The following XIRP2 variants were observed in gnomAD, a reference collection of about 807,000 sequenced individuals.
XIRP2 encodes the protein xin actin binding repeat containing 2.
Under a neutral mutation model 277.0 loss-of-function variants are expected in XIRP2, and 236 were observed. The ratio of observed to expected loss-of-function variants is 0.85; its 90% confidence interval spans 0.77 to 0.95. The LOEUF is 0.95. Ranked by LOEUF, XIRP2 falls within the 40% of genes least tolerant of loss-of-function variation. The pLI is 0.00. For synonymous variants in XIRP2, 1,490 were observed against 1,416.5 expected (o/e 1.05, Z -1.17); for missense variants, 4,640 against 4,157.5 (o/e 1.12, Z -3.19).
At chr2:167,206,778 G>A (rs560082772) in intron 3 of XIRP2, among the ~76,000 whole-genome samples, 4 of 152,216 alleles carry the variant, frequency 2.6e-5, no homozygotes, top group South Asian at 2.1e-4. Flanking sequence ...TTGTTACACC[G>A]TCATCCTTTC....
At chr2:167,196,810 G>GA (rs1427705847) in intron 3 of XIRP2, among the ~76,000 whole-genome samples, 1 of 152,106 alleles carries the variant, frequency 6.6e-6, no homozygotes, top group Non-Finnish European at 1.5e-5. Context: ...GTCCTCCAAA[G>GA]AAAAATGTGG....
intron 2 of XIRP2, among the ~76,000 whole-genome samples, chr2:166,999,329 T>C (rs909160068): frequency 6.6e-6 from 1 of 152,162 alleles, no homozygotes; most frequent in Non-Finnish European, 1.5e-5. Context: ...TTTATTCTGT[T>C]TATTTCTCTC....
chr2:167,033,432 G>A (rs777657121), intron 2 of XIRP2, among the ~76,000 whole-genome samples: 7 of 152,042 alleles, frequency 4.6e-5, no homozygotes, highest in African/African-American at 1.4e-4. Context: ...AGAACTTAAA[G>A]TATAATAATT....
chr2:167,127,115 TA>T (rs1691228981), intron 2 of XIRP2, among the ~76,000 whole-genome samples: 1 of 152,230 alleles, frequency 6.6e-6, no homozygotes, highest in Admixed American at 6.5e-5. Context: ...ATATTGGAGA[TA>T]TTTTTATTGC....
chr2:166,924,401 C>T (rs891965856), intron 2 of XIRP2, among the ~76,000 whole-genome samples: 1 of 152,014 alleles, frequency 6.6e-6, no homozygotes, highest in Non-Finnish European at 1.5e-5. Flanking sequence ...TCTGGTTAGG[C>T]TTCAAACCAA....
chr2:167,086,515 C>A (rs909860174), intron 2 of XIRP2, among the ~76,000 whole-genome samples: 2 of 151,754 alleles, frequency 1.3e-5, no homozygotes, highest in Non-Finnish European at 2.9e-5. Flanking sequence ...GGAAGTTCTC[C>A]TGGATAATAT....
At chr2:167,167,819 A>T (rs1692568495) in intron 3 of XIRP2, among the ~76,000 whole-genome samples, 1 of 152,110 alleles carries the variant, frequency 6.6e-6, no homozygotes. Context: ...GTCTTCATTC[A>T]TTCCTTCTTT....
chr2:167,184,522 T>C (rs374514621), intron 3 of XIRP2: 19 of 712,936 alleles, frequency 2.7e-5, no homozygotes, highest in African/African-American at 1.9e-4. Flanking sequence ...AAGGTTCTGC[T>C]GTTTTTCTGT....
chr2:167,240,703 G>T lies in XIRP2; in HGVS notation c.1009G>T (p.Ala337Ser). The change falls in exon 7 of 11, where the codon GCA becomes TCA. Residue 337 changes from alanine to serine, a missense_variant. Coordinates refer to ENST00000409195, the MANE Select transcript of XIRP2 (RefSeq NM_152381.6). ...AAAGCACACCGAGGAAGTAAACCAA[G>T]CATCTCAGTTTCATCAATATGTTCA... ...LEKHTEEVNQ[A>S]SQFHQYVQET... The T allele has an allele frequency of 6.2e-7, 1 of 1,613,804 alleles. No individual in the cohort carries two copies. The highest frequency in any genetic ancestry group is 1.1e-5 in the South Asian group (1 of 91,066).
intron 2 of XIRP2, among the ~76,000 whole-genome samples, chr2:167,008,169 A>T (rs1343132967): frequency 1.3e-5 from 2 of 151,586 alleles, no homozygotes; most frequent in East Asian, 3.9e-4. Flanking sequence ...ATTAACTCTA[A>T]TTTGTCAACA....
chr2:167,197,659 G>C (rs765182398), intron 3 of XIRP2, among the ~76,000 whole-genome samples: 176 of 152,094 alleles, frequency 1.2e-3, no homozygotes, highest in Non-Finnish European at 1.8e-3. Context: ...AGCCTGAAAC[G>C]AGCATTTCTG....
In XIRP2 at chr2:167,249,146, A is replaced by G. The variant is rs767783635; in HGVS notation, c.7754A>G (p.Lys2585Arg). 12 of 1,613,808 alleles carry G rather than the reference A, an allele frequency of 7.4e-6. No individual in the cohort carries two copies. In the Middle Eastern group the frequency reaches 6.6e-4, roughly 89 times the overall value. The change falls in exon 9 of 11, where the codon AAG becomes AGG. Residue 2585 changes from lysine (K) to arginine (R), a missense_variant. Lys to Arg is a conservative substitution (Grantham distance 26). Transcript: ENST00000409195. ...AATCAACACATAACAGAGGTGGAAAAGGAAATGCCATTACAAAAAACCAAT... is the reference window on the plus strand; with the variant it reads ...AATCAACACATAACAGAGGTGGAAAGGGAAATGCCATTACAAAAAACCAAT... ...SQNQHITEVE[K>R]EMPLQKTNEE...
chr2:167,187,644 A>G, intron 3 of XIRP2: 1 of 758,166 alleles, frequency 1.3e-6, no homozygotes, highest in Non-Finnish European at 1.6e-6. Context: ...ATTGTAAAAG[A>G]AAATATCCAG....
intron 5 of XIRP2, among the ~76,000 whole-genome samples, chr2:167,232,773 A>G (rs1694797399): frequency 6.6e-6 from 1 of 151,910 alleles, no homozygotes; most frequent in South Asian, 2.1e-4. Context: ...CAAGAAATGG[A>G]TGCATGAGAG....
chr2:166,902,453 T>C (rs541651350), intron 1 of XIRP2, among the ~76,000 whole-genome samples: 4 of 152,184 alleles, frequency 2.6e-5, no homozygotes, highest in East Asian at 1.9e-4. Context: ...ATCTGATGTA[T>C]TGTTTACCAG....
At chr2:167,174,949 CTGTT>C (rs1692796918) in intron 3 of XIRP2, among the ~76,000 whole-genome samples, 1 of 152,070 alleles carries the variant, frequency 6.6e-6, no homozygotes, top group Non-Finnish European at 1.5e-5. Context: ...GTCTGAGAGA[CTGTT>C]TGTTATGATT....
At chr2:166,954,463 G>A (rs1033297444) in intron 2 of XIRP2, among the ~76,000 whole-genome samples, 2 of 151,932 alleles carry the variant, frequency 1.3e-5, no homozygotes, top group African/African-American at 4.8e-5. Flanking sequence ...CTTTTACACT[G>A]TTGGTGGGAA....
intron 2 of XIRP2, among the ~76,000 whole-genome samples, chr2:167,066,824 A>G (rs1422870103): frequency 1.3e-5 from 2 of 152,156 alleles, no homozygotes; most frequent in Non-Finnish European, 2.9e-5. Flanking sequence ...TAGCCCTGTT[A>G]TATTTGACAG....
At chr2:167,063,942 A>G (rs1484320125) in intron 2 of XIRP2, among the ~76,000 whole-genome samples, 6 of 151,516 alleles carry the variant, frequency 4.0e-5, no homozygotes, top group Admixed American at 2.0e-4. Flanking sequence ...ATATTAGTAT[A>G]ATATCTACAT....
Sources: gnomAD v4.1 joint callset for allele counts (sites outside exome capture counted in the v4.1 genomes callset) on GRCh38, gnomAD v4.1.1 for gene constraint, MANE v1.5 for transcripts, NCBI Gene and HGNC (gene_info 2026-07-23, HGNC 2026-07-21) for gene names.